STPG4: variants seen among roughly 807,000 people sequenced by gnomAD.
The protein encoded by STPG4 is protein STPG4.
STPG4 carries 41 observed loss-of-function variants against 31.5 expected under a neutral mutation model. The ratio of observed to expected loss-of-function variants is 1.30; its 90% CI spans 1.01 to 1.69. The LOEUF (loss-of-function observed/expected upper bound fraction) is 1.69, where lower values mean the gene tolerates loss of function less well. Among genes scored for constraint, STPG4 ranks in the 40% most tolerant of loss-of-function variants. The pLI, the probability that STPG4 is intolerant of heterozygous loss-of-function variation, is 0.00. For synonymous variants in STPG4, 141 were observed against 103.0 expected (o/e 1.37, Z -2.24); for missense variants, 375 against 293.4 (o/e 1.28, Z -2.03).
chr2:47,093,384 A>T (rs1022924493), intron 5 of STPG4, among the ~76,000 whole-genome samples: 3 of 152,212 alleles, frequency 2.0e-5, no homozygotes, highest in African/African-American at 7.2e-5. Context: ...TCTAAGCCCT[A>T]ATAAACACAA....
At chr2:47,141,656 T>C (rs1686710848) in intron 3 of STPG4, among the ~76,000 whole-genome samples, 2 of 152,130 alleles carry the variant, frequency 1.3e-5, no homozygotes, top group South Asian at 4.1e-4. Flanking sequence ...TCATCTTTGC[T>C]ACATTATGCT....
At chr2:47,130,941 A>G (rs900487509) in intron 3 of STPG4, among the ~76,000 whole-genome samples, 6 of 152,118 alleles carry the variant, frequency 3.9e-5, no homozygotes, top group Admixed American at 3.3e-4. Context: ...CCACATCCCA[A>G]GTAGCTGAGA....
chr2:47,133,647 G>C (rs1349024769), intron 3 of STPG4, among the ~76,000 whole-genome samples: 1 of 117,956 alleles, frequency 8.5e-6, no homozygotes, highest in Admixed American at 1.3e-4. Flanking sequence ...GCGCAATCTC[G>C]GCTCACCACA....
At position 47,127,416 on chromosome 2, in the gene STPG4, G is replaced by C. The variant is rs1430322079; in HGVS notation, c.519+2525C>G. Among the ~76,000 whole-genome samples the C allele has an allele frequency of 2.0e-5, 3 of 151,832 alleles. No individual in the cohort carries two copies. The East Asian group carries it at 5.8e-4, about 29-fold the overall frequency. Reference sequence around the variant, plus strand: ...CTCAAGTAGCAGGGATTACAGGTGTGCACCACCACACTCAGATGCTTTTTG... The same window carrying C: ...CTCAAGTAGCAGGGATTACAGGTGTCCACCACCACACTCAGATGCTTTTTG... On this transcript the variant is annotated intron_variant, in intron 5 of 6. Transcript: ENST00000445927.
At chr2:47,108,150 C>A (rs1685961260) in intron 5 of STPG4, among the ~76,000 whole-genome samples, 1 of 151,304 alleles carries the variant, frequency 6.6e-6, no homozygotes, top group African/African-American at 2.4e-5. Flanking sequence ...ATGTCTAGCT[C>A]AGGGATTGTA....
chr2:47,097,020 C>T (rs1037717051), intron 5 of STPG4, among the ~76,000 whole-genome samples: 9 of 152,136 alleles, frequency 5.9e-5, no homozygotes, highest in African/African-American at 2.2e-4. Context: ...TCTGGAGTAA[C>T]CCCTTGAAGA....
chr2:47,088,355 C>T (rs1685500770), intron 6 of STPG4, among the ~76,000 whole-genome samples: 2 of 152,240 alleles, frequency 1.3e-5, no homozygotes, highest in African/African-American at 4.8e-5. Context: ...TCTTCCCATG[C>T]TGGTGGCACA....
Position 47,111,840 on chromosome 2 carries a change from A to G in STPG4, c.519+18101T>C, listed in dbSNP as rs533663611. 6.6e-5 allele frequency among the ~76,000 whole-genome samples: 10 copies of G among 152,368 alleles called. No homozygotes were observed. In the South Asian group the frequency reaches 1.2e-3, roughly 19 times the overall value. ...AAAATAACGTAAATAGCCAATAAGT[A>G]TACAACTTTACATTGGTAATGTGAA... On this transcript the variant is annotated intron_variant, in intron 5 of 6. Transcript: ENST00000445927.
chr2:47,129,524 G>C (rs543105218), intron 5 of STPG4: 1 of 174,878 alleles, frequency 5.7e-6, no homozygotes, highest in Admixed American at 5.5e-5. Flanking sequence ...ATGGGCACTA[G>C]CTGAATTCTG....
chr2:47,116,963 T>C (rs1225567078), intron 5 of STPG4, among the ~76,000 whole-genome samples: 1 of 152,128 alleles, frequency 6.6e-6, no homozygotes, highest in Admixed American at 6.5e-5. Context: ...ATGAATACCT[T>C]ATGGAAAGGC....
At chr2:47,149,660 C>T (rs558693428) in intron 3 of STPG4, among the ~76,000 whole-genome samples, 2 of 152,320 alleles carry the variant, frequency 1.3e-5, no homozygotes, top group African/African-American at 4.8e-5. Flanking sequence ...ACCCCTTGTA[C>T]TTAATTCAAC....
At chr2:47,099,833 G>A (rs11884783) in intron 5 of STPG4, among the ~76,000 whole-genome samples, 1 of 152,244 alleles carries the variant, frequency 6.6e-6, no homozygotes, top group African/African-American at 2.4e-5. Context: ...AGAGCAGCTG[G>A]TGGGCCCTGC....
At chr2:47,097,007 G>T (rs549207686) in intron 5 of STPG4, among the ~76,000 whole-genome samples, 2 of 152,232 alleles carry the variant, frequency 1.3e-5, no homozygotes, top group East Asian at 3.9e-4. Flanking sequence ...CAGGGAAGAG[G>T]CATCTGGAGT....
At chr2:47,119,190 T>A (rs10210315) in intron 5 of STPG4, among the ~76,000 whole-genome samples, 12 of 152,206 alleles carry the variant, frequency 7.9e-5, no homozygotes, top group Admixed American at 5.2e-4. Context: ...TCCATAAGTC[T>A]GCTCTGGGAA....
At chr2:47,120,735 T>G (rs1474129450) in intron 5 of STPG4, among the ~76,000 whole-genome samples, 1 of 152,176 alleles carries the variant, frequency 6.6e-6, no homozygotes, top group Non-Finnish European at 1.5e-5. Flanking sequence ...TGTTTTTGGC[T>G]ACTGTTATCT....
At chr2:47,116,772 T>C (rs1686161976) in intron 5 of STPG4, among the ~76,000 whole-genome samples, 1 of 152,210 alleles carries the variant, frequency 6.6e-6, no homozygotes, top group Non-Finnish European at 1.5e-5. Context: ...TGGGAGCTTA[T>C]GCATTTAGAA....
chr2:47,115,793 C>T (rs1276118238), intron 5 of STPG4, among the ~76,000 whole-genome samples: 1 of 151,672 alleles, frequency 6.6e-6, no homozygotes, highest in Non-Finnish European at 1.5e-5. Context: ...GCTGGGATTA[C>T]AGGCGCACGC....
At chr2:47,149,301 T>C (rs1157764132) in intron 3 of STPG4, among the ~76,000 whole-genome samples, 2 of 152,202 alleles carry the variant, frequency 1.3e-5, no homozygotes, top group African/African-American at 4.8e-5. Context: ...ACTCCATCCT[T>C]GTACGTTTTC....
Position 47,130,178 on chromosome 2 carries a change from T to TG in STPG4, c.464+17_464+18insC, listed in dbSNP as rs750708462. 8.7e-6 allele frequency: 14 copies of TG among 1,606,614 alleles called. No individual in the cohort carries two copies. In the East Asian group the frequency reaches 2.2e-4, roughly 26 times the overall value. On this transcript the variant is annotated intron_variant, in intron 4 of 6. Transcript: ENST00000445927. ...TATGTAAACAGAAAGGCAGCTTATT[T>TG]AATAAGTATATAATTACCTGGAAGC... is the stretch of plus-strand genomic sequence containing the variant.
Sources: allele counts gnomAD v4.1 joint callset (sites outside exome capture counted in the v4.1 genomes callset), GRCh38; gene constraint gnomAD v4.1.1; transcripts MANE v1.5; gene names NCBI Gene and HGNC (gene_info 2026-07-23, HGNC 2026-07-21).